The following DTNB variants were observed in gnomAD, a reference collection of about 807,000 sequenced individuals.
The protein encoded by DTNB is DTN-B.
DTNB carries 63 observed loss-of-function variants against 90.7 expected under a neutral mutation model. The observed-to-expected ratio is 0.69, with a 90% CI of 0.57 to 0.86. The LOEUF (loss-of-function observed/expected upper bound fraction) is 0.86. DTNB is among the 40% of genes least tolerant of loss of function. DTNB has a pLI of 0.00. For missense variants in DTNB, 744 were observed against 807.1 expected (o/e 0.92, Z 0.95); for synonymous variants, 277 against 286.7 (o/e 0.97, Z 0.34).
At chr2:25,528,107 T>G (rs544242732) in intron 9 of DTNB, among the ~76,000 whole-genome samples, 2 of 152,244 alleles carry the variant, frequency 1.3e-5, no homozygotes, top group African/African-American at 4.8e-5. Flanking sequence ...TTAATGTAAT[T>G]CACTACAATA....
intron 7 of DTNB, 35 bp downstream of exon 7, chr2:25,580,686 A>T (rs374115168): frequency 1.9e-5 from 29 of 1,535,622 alleles, no homozygotes; most frequent in Non-Finnish European, 2.5e-5. Flanking sequence ...TACTTTCTAT[A>T]GCATGCGGAA....
In DTNB at chr2:25,639,044, T is replaced by C; in HGVS notation, c.118A>G (p.Lys40Glu). The C allele has an allele frequency of 6.3e-7, 1 of 1,594,610 alleles. No individual in the cohort carries two copies. Reference protein sequence around the residue: ...IRLSTYRTACKLRFVQKRCNL... With the variant: ...IRLSTYRTACELRFVQKRCNL... ...CATCGTTTTTGTACAAATCGTAATTTGCAGGCTGTTCTGTAAGTTGATAGT... is the reference window on the plus strand; with the variant it reads ...CATCGTTTTTGTACAAATCGTAATTCGCAGGCTGTTCTGTAAGTTGATAGT... Residue 40 changes from lysine (K) to glutamate (E), a missense_variant, in exon 3 of 21, where the codon AAA (lysine) becomes GAA (glutamate). By Grantham distance (56) the Lys-to-Glu change is moderately conservative. Coordinates refer to ENST00000406818, the MANE Select transcript of DTNB (RefSeq NM_021907.5).
intron 4 of DTNB, among the ~76,000 whole-genome samples, chr2:25,610,356 C>A (rs748105355): frequency 6.6e-6 from 1 of 152,122 alleles, no homozygotes; most frequent in Non-Finnish European, 1.5e-5. Context: ...TAATTGATTA[C>A]TTTTTAAATG....
At chr2:25,549,646 GATTT>G (rs1294548196) in intron 8 of DTNB, among the ~76,000 whole-genome samples, 6 of 152,002 alleles carry the variant, frequency 3.9e-5, no homozygotes, top group African/African-American at 1.2e-4. Flanking sequence ...TTGTTTTCCT[GATTT>G]ATTTGCTTCC....
chr2:25,481,156 G>C (rs2064853266), intron 10 of DTNB, among the ~76,000 whole-genome samples: 1 of 151,986 alleles, frequency 6.6e-6, no homozygotes, highest in Non-Finnish European at 1.5e-5. Flanking sequence ...CCAGCACTTT[G>C]GGAGTCTGAG....
At chr2:25,415,244 C>CT (rs34257264) in intron 16 of DTNB, among the ~76,000 whole-genome samples, 3,690 of 123,488 alleles carry the variant, frequency 0.03, 146 homozygotes, top group Middle Eastern at 0.081. Flanking sequence ...ATAAGAGCTT[C>CT]TTTTTTTTTT....
In DTNB at chr2:25,424,866, C is replaced by A. The variant is rs1042318321; in HGVS notation, c.1554+2669G>T. On this transcript the variant is annotated intron_variant, in intron 15 of 20. Transcript: ENST00000406818. The surrounding 1 kb of genome is among the most constrained non-coding windows in gnomAD (Gnocchi z 4.1). ...TGTTTTTAGTAGAGATGGGGTTTTG[C>A]CATGTCAGCCAGGCTGAACTCCTGG... 1.3e-5 allele frequency among the ~76,000 whole-genome samples: 2 copies of A among 152,066 alleles called. No homozygotes were observed. The highest frequency in any genetic ancestry group is 4.8e-5 in the African/African-American group (2 of 41,386).
intron 8 of DTNB, among the ~76,000 whole-genome samples, chr2:25,556,745 GCTAATTAAAGGATATA>G (rs962165755): frequency 1.3e-5 from 2 of 152,168 alleles, no homozygotes; most frequent in African/African-American, 4.8e-5. Flanking sequence ...TGATACCTGA[GCTAATTAAAGGATATA>G]CAGAGGTTGG....
At chr2:25,607,455 C>T in intron 4 of DTNB, 134 bp from the exon 5 acceptor site, 1 of 858,886 alleles carries the variant, frequency 1.2e-6, no homozygotes. Flanking sequence ...ATTTAGAAAC[C>T]CTGGATTTTT....
intron 16 of DTNB, among the ~76,000 whole-genome samples, chr2:25,404,804 G>A (rs938566037): frequency 2.9e-4 from 44 of 152,116 alleles, no homozygotes; most frequent in Admixed American, 7.9e-4. Flanking sequence ...GCAGTGAGCC[G>A]AGATCGTGCC....
At chr2:25,457,785 C>G (rs1182527822) in intron 10 of DTNB, among the ~76,000 whole-genome samples, 1 of 152,088 alleles carries the variant, frequency 6.6e-6, no homozygotes, top group East Asian at 1.9e-4. Flanking sequence ...TTCTTGATTG[C>G]TGAAAATGCC....
At chr2:25,549,781 C>T (rs2083202679) in intron 8 of DTNB, among the ~76,000 whole-genome samples, 1 of 152,108 alleles carries the variant, frequency 6.6e-6, no homozygotes, top group South Asian at 2.1e-4. Context: ...CCACCTCAGC[C>T]TGCCAAGTAG....
Position 25,451,616 on chromosome 2 carries a change from G to C in DTNB, c.1189C>G (p.Arg397Gly), listed in dbSNP as rs373229134. The change falls in exon 12 of 21, where the codon CGA becomes GGA. Residue 397 changes from arginine to glycine, a missense_variant. By Grantham distance (125) the Arg-to-Gly change is moderately radical. Coordinates refer to ENST00000406818, the MANE Select transcript of DTNB (RefSeq NM_021907.5). ...HCARVLDSPS[R>G]LDEEHRLIAR... ...ATAAGACGGTGTTCCTCATCCAGTC[G>C]GCTAGGACTGTCCAGAACACTGCCA... 1 of 1,602,174 alleles carries C rather than the reference G, an allele frequency of 6.2e-7. No homozygotes were observed. Among genetic ancestry groups the C allele is most frequent in the African/African-American group, 1.3e-5 (1 of 74,814 alleles).
At chr2:25,580,627 A>G (rs1387392561) in intron 7 of DTNB, 94 bp downstream of exon 7, 2 of 1,196,286 alleles carry the variant, frequency 1.7e-6, no homozygotes, top group Admixed American at 4.0e-5. Flanking sequence ...GTCAACTGTA[A>G]TTTTCAATGA....
chr2:25,617,812 A>AG, intron 4 of DTNB, among the ~76,000 whole-genome samples: 1 of 152,144 alleles, frequency 6.6e-6, no homozygotes. Context: ...CATGAGGTGG[A>AG]GGTTGCAGTG....
chr2:25,602,322 C>G (rs910779548), intron 5 of DTNB, among the ~76,000 whole-genome samples: 5 of 151,914 alleles, frequency 3.3e-5, no homozygotes, highest in African/African-American at 1.2e-4. Context: ...TCATAAAATA[C>G]ATATTTAAGG....
intron 1 of DTNB, among the ~76,000 whole-genome samples, chr2:25,661,538 G>C (rs116447141): frequency 4.2e-4 from 64 of 152,342 alleles, no homozygotes; most frequent in East Asian, 7.7e-4. Context: ...GATTGCTTTG[G>C]GGGGAAAGGA....
At chr2:25,384,142 C>T (rs985782174) in intron 18 of DTNB, among the ~76,000 whole-genome samples, 5 of 152,252 alleles carry the variant, frequency 3.3e-5, no homozygotes, top group Non-Finnish European at 7.3e-5. Context: ...CTGACCAGGG[C>T]TGGGGGCGTG....
intron 10 of DTNB, among the ~76,000 whole-genome samples, chr2:25,466,213 G>A (rs566101314): frequency 1.3e-5 from 2 of 152,306 alleles, no homozygotes; most frequent in Admixed American, 1.3e-4. Flanking sequence ...GTGCGTGCCT[G>A]TAATCCCAGC....
Sources: allele counts gnomAD v4.1 joint callset (sites outside exome capture counted in the v4.1 genomes callset), GRCh38; gene constraint gnomAD v4.1.1; non-coding constraint Gnocchi (gnomAD v3.1); transcripts MANE v1.5; gene names NCBI Gene and HGNC (gene_info 2026-07-23, HGNC 2026-07-21).